UHRF2: variants seen among roughly 807,000 people sequenced by gnomAD.
The protein encoded by UHRF2 is ubiquitin like with PHD and ring finger domains 2, also known as E3 ubiquitin-protein ligase UHRF2.
A neutral mutation model predicts 96.8 loss-of-function variants in UHRF2; 23 were observed. The observed-to-expected ratio is 0.24, with a 90% CI of 0.17 to 0.34. The LOEUF (loss-of-function observed/expected upper bound fraction) is 0.34. Ranked by LOEUF, UHRF2 falls within the 10% of genes least tolerant of loss-of-function variation. The pLI is 1.00. For missense variants in UHRF2, 685 were observed against 981.5 expected (o/e 0.70, Z 4.04); for synonymous variants, 385 against 332.6 (o/e 1.16, Z -1.72).
rs149005808 is a variant in UHRF2 at position 6,428,576 on chromosome 9, G to A, written c.385-5338G>A. Among the ~76,000 whole-genome samples the A allele has an allele frequency of 3.2e-3, 227 of 70,474 alleles. 11 individuals carry two copies. The East Asian group carries it at 0.074, about 23-fold the overall frequency. 46.2% of individuals were successfully genotyped at this position (70,474 alleles called of 152,430 possible). A position where few individuals can be genotyped will look rare whatever the true frequency, so the allele number is the denominator to read the frequency against. Reference sequence around the variant, plus strand: ...TTTTTTTTTTTTTTTTTTTTTGAACGATCTCATTCTGTCACTTGGCTGGAG... The same window carrying A: ...TTTTTTTTTTTTTTTTTTTTTGAACAATCTCATTCTGTCACTTGGCTGGAG... On this transcript the variant is annotated intron_variant, in intron 2 of 15. Transcript: ENST00000276893.
chr9:6,482,703 T>A (rs1277408337), intron 8 of UHRF2, among the ~76,000 whole-genome samples: 7 of 151,700 alleles, frequency 4.6e-5, no homozygotes, highest in Admixed American at 4.6e-4. Context: ...TTCACGCCAT[T>A]CTCCTGCCTC....
At chr9:6,504,405 AT>A (rs1816474575) in intron 14 of UHRF2, 187 bp from the exon 15 acceptor site, 3 of 403,762 alleles carry the variant, frequency 7.4e-6, no homozygotes, top group Non-Finnish European at 1.3e-5. Flanking sequence ...TACATGTGAA[AT>A]TTTGATATGT....
intron 2 of UHRF2, among the ~76,000 whole-genome samples, chr9:6,428,703 C>A (rs146417585): frequency 1.6e-4 from 25 of 152,070 alleles, no homozygotes; most frequent in African/African-American, 6.0e-4. Flanking sequence ...GTCTGTGCCA[C>A]CATACCCAGC....
chr9:6,458,189 A>G (rs898035643), intron 3 of UHRF2, among the ~76,000 whole-genome samples: 9 of 152,080 alleles, frequency 5.9e-5, no homozygotes, highest in Non-Finnish European at 1.0e-4. Context: ...GGAACTTGTT[A>G]TTGGTCTATT....
At chr9:6,481,476 C>T (rs1169204088) in intron 6 of UHRF2, among the ~76,000 whole-genome samples, 167 bp from the exon 7 acceptor site, 1 of 152,136 alleles carries the variant, frequency 6.6e-6, no homozygotes, top group South Asian at 2.1e-4. Context: ...CCAGCCTAAC[C>T]ATGTAAATAT....
intron 1 of UHRF2, chr9:6,414,220 C>G (rs527861444): frequency 6.6e-6 from 1 of 152,280 alleles, no homozygotes; most frequent in African/African-American, 2.4e-5. Context: ...CTTCTGGTCC[C>G]TCTCCCTCGC....
chr9:6,499,996 G>A (rs923631497), intron 13 of UHRF2, 65 bp downstream of exon 13: 2 of 1,267,886 alleles, frequency 1.6e-6, no homozygotes, highest in Non-Finnish European at 2.2e-6. Context: ...TGTTGAGACG[G>A]GGTCTCACTC....
At chr9:6,460,843 G>A in intron 4 of UHRF2, 52 bp downstream of exon 4, 1 of 1,467,076 alleles carries the variant, frequency 6.8e-7, no homozygotes, top group South Asian at 1.3e-5. Flanking sequence ...ATCAAGGAAT[G>A]TATTTTTAGG....
chr9:6,483,993 C>G (rs1824092354), intron 8 of UHRF2, among the ~76,000 whole-genome samples: 1 of 152,000 alleles, frequency 6.6e-6, no homozygotes, highest in Non-Finnish European at 1.5e-5. Flanking sequence ...CCGGCTTCAT[C>G]ATCATTTTCT....
At chr9:6,496,121 C>A (rs1824950649) in intron 10 of UHRF2, 1 of 152,014 alleles carries the variant, frequency 6.6e-6, no homozygotes. Context: ...CAAGACATTT[C>A]TTTTCAATAG....
intron 2 of UHRF2, 49 bp downstream of exon 2, chr9:6,421,191 A>G (rs766041295): frequency 7.2e-6 from 10 of 1,380,422 alleles, no homozygotes; most frequent in Non-Finnish European, 1.0e-5. Context: ...AAATAAATTT[A>G]TTTTCTGTTC....
intron 5 of UHRF2, among the ~76,000 whole-genome samples, chr9:6,476,685 C>A (rs1408685707): frequency 6.6e-6 from 1 of 152,118 alleles, no homozygotes; most frequent in Non-Finnish European, 1.5e-5. Flanking sequence ...ACCTCTGCCT[C>A]CCGGGTTCAG....
At chr9:6,493,695 T>C (rs1824807819) in intron 9 of UHRF2, 131 bp from the exon 10 acceptor site, 2 of 715,768 alleles carry the variant, frequency 2.8e-6, no homozygotes, top group South Asian at 4.2e-5. Context: ...AATTTTGCAT[T>C]ATTTTGGGAG....
chr9:6,426,982 C>CAGGTGATCACCTG (rs1554620982), intron 2 of UHRF2, among the ~76,000 whole-genome samples: 3 of 151,966 alleles, frequency 2.0e-5, no homozygotes, highest in Admixed American at 6.6e-5. Flanking sequence ...CTCCTGACCT[C>CAGGTGATCACCTG]AGGTGATCAC....
At chr9:6,430,795 T>G (rs1193802525) in intron 2 of UHRF2, among the ~76,000 whole-genome samples, 1 of 152,208 alleles carries the variant, frequency 6.6e-6, no homozygotes, top group African/African-American at 2.4e-5. Flanking sequence ...TTTTCCCCTG[T>G]TCCCTCTGCC....
chr9:6,477,449 C>A (rs1490246670), intron 5 of UHRF2, among the ~76,000 whole-genome samples, 173 bp from the exon 6 acceptor site: 1 of 152,040 alleles, frequency 6.6e-6, no homozygotes, highest in Non-Finnish European at 1.5e-5. Flanking sequence ...TCGCTTGAAC[C>A]CGGGAGGCAG....
rs978349225 is a variant in UHRF2 at position 6,426,362 on chromosome 9, C to T, written c.384+5220C>T. ...TCAGTTCAGCTGCTGCTTGGTTATA[C>T]AAATTGGCAAGTAAATCTTACATTA... On this transcript the variant is annotated intron_variant, in intron 2 of 15. Coordinates refer to ENST00000276893, the MANE Select transcript of UHRF2 (RefSeq NM_152896.3). 2.2e-4 allele frequency among the ~76,000 whole-genome samples: 34 copies of T among 152,188 alleles called. 1 individual carries two copies. The highest frequency in any genetic ancestry group is 5.9e-5 in the Non-Finnish European group (4 of 68,036).
intron 10 of UHRF2, chr9:6,496,138 C>A (rs1824951955): frequency 6.6e-6 from 1 of 152,042 alleles, no homozygotes; most frequent in African/African-American, 2.4e-5. Context: ...ATAGGTTAGT[C>A]ATTTTCTTGA....
At chr9:6,440,693 C>T (rs1018447850) in intron 3 of UHRF2, among the ~76,000 whole-genome samples, 26 of 152,230 alleles carry the variant, frequency 1.7e-4, no homozygotes, top group Admixed American at 3.9e-4. Flanking sequence ...CATTTGGCTG[C>T]GAAAATCTTT....
Sources: allele counts gnomAD v4.1 joint callset (sites outside exome capture counted in the v4.1 genomes callset), GRCh38; gene constraint gnomAD v4.1.1; transcripts MANE v1.5; gene names NCBI Gene and HGNC (gene_info 2026-07-23, HGNC 2026-07-21).